The following CSMD1 variants were observed in gnomAD, a reference collection of about 807,000 sequenced individuals.
CSMD1 encodes the protein CUB and Sushi multiple domains 1.
In CSMD1, 213 loss-of-function variants were observed where a neutral mutation model predicts 417.5. That is an observed-to-expected ratio of 0.51 (90% CI 0.46 to 0.57). The LOEUF is 0.57. CSMD1 is among the 20% of genes least tolerant of loss of function. The probability of loss-of-function intolerance (pLI) is 0.00; values close to 1 mark genes in which losing one functional copy is unlikely to be tolerated. For synonymous variants in CSMD1, 2,862 were observed against 1,736.8 expected (o/e 1.65, Z -16.11); for missense variants, 6,923 against 4,529.7 (o/e 1.53, Z -15.17).
chr8:3,909,852 G>A (rs946935647), intron 5 of CSMD1, among the ~76,000 whole-genome samples: 5 of 152,132 alleles, frequency 3.3e-5, no homozygotes, highest in Admixed American at 2.6e-4. Flanking sequence ...ATGTCCTGCT[G>A]TATACAAGTT....
chr8:4,264,453 C>G (rs1479526875), intron 3 of CSMD1, among the ~76,000 whole-genome samples: 1 of 152,128 alleles, frequency 6.6e-6, no homozygotes, highest in East Asian at 1.9e-4. Context: ...TACTGGTACA[C>G]AAATTTGCAG....
intron 2 of CSMD1, among the ~76,000 whole-genome samples, chr8:4,427,233 G>A (rs147316724): frequency 5.6e-4 from 85 of 152,238 alleles, no homozygotes; most frequent in East Asian, 3.3e-3. Flanking sequence ...GGCACACGCC[G>A]TGCCCTGAAT....
chr8:3,019,539 G>C (rs1237918985), intron 51 of CSMD1, among the ~76,000 whole-genome samples: 2 of 152,128 alleles, frequency 1.3e-5, no homozygotes, highest in Admixed American at 6.5e-5. Flanking sequence ...TGCATAATTT[G>C]TTGGGCTCAT....
chr8:4,711,274 G>A (rs1808278368), intron 1 of CSMD1, among the ~76,000 whole-genome samples: 1 of 151,980 alleles, frequency 6.6e-6, no homozygotes, highest in Admixed American at 6.6e-5. Context: ...TTATAAAAGA[G>A]CACTTGTTTA....
intron 1 of CSMD1, among the ~76,000 whole-genome samples, chr8:4,941,047 T>C (rs937348571): frequency 3.3e-5 from 5 of 152,226 alleles, no homozygotes; most frequent in African/African-American, 1.2e-4. Context: ...ATTTCTGTTA[T>C]TATTTTTGTA....
intron 1 of CSMD1, among the ~76,000 whole-genome samples, chr8:4,890,664 G>C (rs528492777): frequency 1.3e-5 from 2 of 150,882 alleles, no homozygotes; most frequent in Admixed American, 6.6e-5. Context: ...AGATGAGAGC[G>C]TGTGACTCCG....
chr8:4,524,057 G>C (rs1803637379), intron 2 of CSMD1, among the ~76,000 whole-genome samples: 1 of 151,956 alleles, frequency 6.6e-6, no homozygotes, highest in East Asian at 1.9e-4. Context: ...TCCTCCCTGT[G>C]TTTTTTAGAA....
rs1372730924 is a variant in CSMD1 at position 4,792,785 on chromosome 8, G to A, written c.86-155227C>T. On this transcript the variant is annotated intron_variant, in intron 1 of 69. Transcript: ENST00000635120. ...GGTGTTTTGTCACTCAGTACCATGCGTTCCAGGCGTACTTGTAATATTTAA... is the reference window on the plus strand; with the variant it reads ...GGTGTTTTGTCACTCAGTACCATGCATTCCAGGCGTACTTGTAATATTTAA... 3.3e-5 allele frequency among the ~76,000 whole-genome samples: 5 copies of A among 152,166 alleles called. 1 individual carries two copies. The highest frequency in any genetic ancestry group is 2.0e-4 in the Admixed American group (3 of 15,278).
At chr8:4,528,726 A>G (rs1006920301) in intron 2 of CSMD1, among the ~76,000 whole-genome samples, 8 of 151,824 alleles carry the variant, frequency 5.3e-5, no homozygotes, top group Non-Finnish European at 1.0e-4. Flanking sequence ...TTGTAGGTCA[A>G]AAAAATGTTT....
chr8:3,322,398 C>T (rs1336228710), intron 23 of CSMD1, among the ~76,000 whole-genome samples: 6 of 152,008 alleles, frequency 3.9e-5, no homozygotes, highest in Admixed American at 3.9e-4. Context: ...TTAGTATTTC[C>T]TTCAAATCTT....
intron 25 of CSMD1, among the ~76,000 whole-genome samples, chr8:3,300,459 A>G (rs1804305836): frequency 6.6e-6 from 1 of 152,124 alleles, no homozygotes; most frequent in South Asian, 2.1e-4. Context: ...GAGTGGACAA[A>G]ATAGTTTTTG....
At chr8:4,251,288 A>T (rs959625383) in intron 3 of CSMD1, among the ~76,000 whole-genome samples, 1 of 152,194 alleles carries the variant, frequency 6.6e-6, no homozygotes, top group African/African-American at 2.4e-5. Flanking sequence ...AAAAATGTTA[A>T]AAAGTACTGT....
At chr8:3,328,849 C>G (rs1357899061) in intron 23 of CSMD1, among the ~76,000 whole-genome samples, 2 of 152,168 alleles carry the variant, frequency 1.3e-5, no homozygotes, top group South Asian at 2.1e-4. Context: ...ATAAAAGGCA[C>G]TAAACTCTTA....
intron 7 of CSMD1, among the ~76,000 whole-genome samples, chr8:3,621,678 C>G (rs924997789): frequency 6.6e-6 from 1 of 151,928 alleles, no homozygotes; most frequent in Admixed American, 6.6e-5. Context: ...CTGCAGCCTT[C>G]GTCTTCCATG....
At chr8:3,874,768 A>G (rs933916765) in intron 5 of CSMD1, among the ~76,000 whole-genome samples, 2 of 152,050 alleles carry the variant, frequency 1.3e-5, no homozygotes, top group African/African-American at 4.8e-5. Flanking sequence ...TGTGACGGGG[A>G]AGGACAGGGT....
At chr8:3,939,327 T>C (rs980790336) in intron 5 of CSMD1, among the ~76,000 whole-genome samples, 2 of 152,118 alleles carry the variant, frequency 1.3e-5, no homozygotes, top group Non-Finnish European at 2.9e-5. Flanking sequence ...CTTACTCCTG[T>C]AAAAATGGTC....
At chr8:3,400,227 T>A (rs937235924) in intron 15 of CSMD1, among the ~76,000 whole-genome samples, 1 of 152,184 alleles carries the variant, frequency 6.6e-6, no homozygotes, top group Non-Finnish European at 1.5e-5. Context: ...CAATATTTCA[T>A]ACCGTAATTA....
intron 1 of CSMD1, among the ~76,000 whole-genome samples, chr8:4,960,165 T>C (rs186200419): frequency 2.8e-4 from 43 of 152,256 alleles, no homozygotes; most frequent in Non-Finnish European, 5.0e-4. Context: ...CACAAAACTC[T>C]TTTTCAATAT....
intron 11 of CSMD1, among the ~76,000 whole-genome samples, chr8:3,481,691 C>A: frequency 6.6e-6 from 1 of 152,168 alleles, no homozygotes; most frequent in Non-Finnish European, 1.5e-5. Context: ...AGGGAGATTT[C>A]AGGCAGAGAA....
Sources: allele counts gnomAD v4.1 joint callset (sites outside exome capture counted in the v4.1 genomes callset), GRCh38; gene constraint gnomAD v4.1.1; transcripts MANE v1.5; gene names NCBI Gene and HGNC (gene_info 2026-07-23, HGNC 2026-07-21).